The following TNN variants were observed in gnomAD, a reference collection of about 807,000 sequenced individuals.
The protein encoded by TNN is tenascin N, also known as tenascin-N.
In TNN, 122 loss-of-function variants were observed where a neutral mutation model predicts 134.4. The observed-to-expected ratio is 0.91, with a 90% CI of 0.78 to 1.06. TNN has a LOEUF of 1.06. Ranked by LOEUF, TNN falls within the 50% of genes least tolerant of loss-of-function variation. The pLI is 0.00. For synonymous variants in TNN, 710 were observed against 670.3 expected, an observed-to-expected ratio of 1.06 and a Z score of -0.91; for missense variants, 1,739 against 1,699.4, an observed-to-expected ratio of 1.02 and a Z score of -0.41.
intron 17 of TNN, among the ~76,000 whole-genome samples, chr1:175,140,160 A>G (rs1055398331): frequency 6.6e-6 from 1 of 152,224 alleles, no homozygotes; most frequent in African/African-American, 2.4e-5. Flanking sequence ...TTGGTATAAT[A>G]CAGTACACAC....
rs1221211278 is a variant in TNN, at chr1:175,103,500, A to G, written c.2119+4905A>G. On this transcript the variant is annotated intron_variant, in intron 9 of 18. Coordinates refer to ENST00000239462, the MANE Select transcript of TNN (RefSeq NM_022093.2). ...AGGCAGATATGGGTTGAAGATCCAC[A>G]TAAGTAGAATATGCCTTGGCTGGGT... is the stretch of plus-strand genomic sequence containing the variant. Among the ~76,000 whole-genome samples the G allele has an allele frequency of 1.4e-5, 2 of 146,024 alleles. 1 individual carries two copies. The highest frequency in any genetic ancestry group is 3.0e-5 in the Non-Finnish European group (2 of 65,866).
At chr1:175,084,034 C>G in intron 5 of TNN, 99 bp downstream of exon 5, 1 of 1,246,198 alleles carries the variant, frequency 8.0e-7, no homozygotes, top group Non-Finnish European at 1.1e-6. Context: ...CAAGTGTGCA[C>G]AGACAGCCCA....
At chr1:175,110,420 A>G (rs1335392964) in intron 9 of TNN, among the ~76,000 whole-genome samples, 1 of 152,140 alleles carries the variant, frequency 6.6e-6, no homozygotes, top group Non-Finnish European at 1.5e-5. Context: ...GTGCTTTTGC[A>G]GTCTTACCCA....
chr1:175,098,219 T>A (rs903669192), intron 8 of TNN, 113 bp from the exon 9 acceptor site: 33 of 1,457,160 alleles, frequency 2.3e-5, no homozygotes, highest in Non-Finnish European at 6.6e-6. Flanking sequence ...AGGATGAGAA[T>A]GCCATTGCCT....
At chr1:175,084,024 C>A in intron 5 of TNN, 89 bp downstream of exon 5, 1 of 1,335,254 alleles carries the variant, frequency 7.5e-7, no homozygotes, top group Non-Finnish European at 1.0e-6. Context: ...CTGCACTGCT[C>A]AAGTGTGCAC....
rs545835973 is a variant in TNN at position 175,079,029 on chromosome 1, G to A, written c.410-304G>A. On this transcript the variant is annotated intron_variant, in intron 2 of 18. Coordinates refer to ENST00000239462, the MANE Select transcript of TNN (RefSeq NM_022093.2). ...ACCAGGTAGAGAGGAAGGAACCGGG[G>A]AATTCACACGGGAAGGGAAAGGAAA... Among the ~76,000 whole-genome samples the A allele has an allele frequency of 9.9e-5, 15 of 152,232 alleles. No homozygotes were observed. In the East Asian group the frequency reaches 2.5e-3, roughly 26 times the overall value.
chr1:175,080,035 G>T (rs889210090), intron 3 of TNN, 128 bp from the exon 4 acceptor site: 28 of 1,258,212 alleles, frequency 2.2e-5, no homozygotes, highest in Non-Finnish European at 3.1e-5. Flanking sequence ...ACTTCTAGGG[G>T]TCGGGAATGG....
chr1:175,119,698 T>G lies in TNN; in HGVS notation c.2650+874T>G, dbSNP rs754481790. Among the ~76,000 whole-genome samples, 266 of 146,386 alleles carry G rather than the reference T, an allele frequency of 1.8e-3. 1 individual carries two copies. Among genetic ancestry groups the G allele is most frequent in the Non-Finnish European group, 3.0e-3 (204 of 67,178 alleles). ...CGCCCAGGCTGGAGTGCAGTGGCGC[T>G]ATCTCGGCTCACTGCAAGCTCCGCC... On this transcript the variant is annotated intron_variant, in intron 11 of 18. Transcript: ENST00000239462.
In TNN at chr1:175,117,130, G is replaced by A. The variant is rs768039940; in HGVS notation, c.2311G>A (p.Val771Met). The A allele has an allele frequency of 2.5e-6, 4 of 1,614,180 alleles. No individual in the cohort carries two copies. The highest frequency in any genetic ancestry group is 1.1e-5 in the South Asian group (1 of 91,094). The change falls in exon 10 of 19, where the codon GTG becomes ATG. Residue 771 changes from valine (V) to methionine (M), a missense_variant. By Grantham distance (21) the Val-to-Met change is conservative. Coordinates refer to ENST00000239462, the MANE Select transcript of TNN (RefSeq NM_022093.2). ...TGTCCTGACGGGCCTGAGGCCGGGT[G>A]TGGAGTACACGGTGCACGTGTGGGC... The part of the protein sequence containing the change: ...STVLTGLRPG[V>M]EYTVHVWAQK...
At chr1:175,100,772 T>A (rs1558357487) in intron 9 of TNN, among the ~76,000 whole-genome samples, 1 of 152,230 alleles carries the variant, frequency 6.6e-6, no homozygotes, top group Non-Finnish European at 1.5e-5. Flanking sequence ...ATTTCTTGTA[T>A]TTATAATGTA....
At position 175,146,932 on chromosome 1, in the gene TNN, G is replaced by T; in HGVS notation, c.3761G>T (p.Gly1254Val). 6.6e-7 allele frequency: 1 copy of T among 1,517,632 alleles called. No individual in the cohort carries two copies. The highest frequency in any genetic ancestry group is 8.8e-7 in the Non-Finnish European group (1 of 1,131,416). 94.0% of individuals were successfully genotyped at this position (1,517,632 alleles called of 1,614,324 possible). A position where few individuals can be genotyped will look rare whatever the true frequency, so the allele number is the denominator to read the frequency against. ...TGGCTTTTTTTTTTTTTTTGGTAGG[G>T]GGTGAACTGGGAGCCTTGGAAAGGA... Reference protein sequence around the residue: ...GRYGETKHSEGVNWEPWKGHE... With the variant: ...GRYGETKHSEVVNWEPWKGHE... The change falls in exon 19 of 19, where the codon GGG becomes GTG. Residue 1254 changes from glycine to valine, a missense_variant and splice_region_variant. By Grantham distance (109) the Gly-to-Val change is moderately radical (BLOSUM62 -3). Coordinates refer to ENST00000239462, the MANE Select transcript of TNN (RefSeq NM_022093.2).
chr1:175,097,386 G>C (rs1458047185), intron 7 of TNN, 31 bp from the exon 8 acceptor site: 3 of 1,612,884 alleles, frequency 1.9e-6, no homozygotes, highest in Admixed American at 1.7e-5. Context: ...GGTGGTAAAG[G>C]CTACATTCTT....
rs146666035 is a variant in TNN, at chr1:175,098,471, G to C, written c.1995G>C (p.Pro665=). The C allele has an allele frequency of 2.5e-6, 4 of 1,614,200 alleles. No homozygotes were observed. Among genetic ancestry groups the C allele is most frequent in the South Asian group, 1.1e-5 (1 of 91,082 alleles). Residue 665 remains proline, a synonymous_variant, in exon 9 of 19, where the codon CCG becomes CCC. Coordinates refer to ENST00000239462, the MANE Select transcript of TNN (RefSeq NM_022093.2). ...TSAGGETREV[P]VGKEQSSTVL... ...CTGGTGGAGAGACCAGGGAGGTTCC[G>C]GTGGGGAAGGAGCAGAGCAGCACAG...
At chr1:175,072,006 G>A (rs1023870016) in intron 1 of TNN, among the ~76,000 whole-genome samples, 1 of 152,160 alleles carries the variant, frequency 6.6e-6, no homozygotes, top group African/African-American at 2.4e-5. Flanking sequence ...GGATACCTGG[G>A]CTAGAAACAC....
chr1:175,077,571 C>T lies in TNN; in HGVS notation c.153C>T (p.Pro51=). 6.2e-7 allele frequency: 1 copy of T among 1,614,194 alleles called. No individual in the cohort carries two copies. The highest frequency in any genetic ancestry group is 8.5e-7 in the Non-Finnish European group (1 of 1,180,046). The change falls in exon 2 of 19, where the codon CCC becomes CCT. Residue 51 remains proline (P), a synonymous_variant. Transcript: ENST00000239462. ...GCCACACCTACAAGATCGATGTGCC[C>T]AAGTCTGCCTTGGTTCAGGTTGACG... ...TVSHTYKIDV[P]KSALVQVDAD...
rs182451342 is a variant in TNN, at chr1:175,072,165, G to A, written c.-36+4230G>A. Reference sequence around the variant, plus strand: ...GGACCATCCATGCAGCCCATGGTCAGTCGTGTACTCCTCAAAGAGCCTTTC... The same window carrying A: ...GGACCATCCATGCAGCCCATGGTCAATCGTGTACTCCTCAAAGAGCCTTTC... On this transcript the variant is annotated intron_variant, in intron 1 of 18. Transcript: ENST00000239462. Among the ~76,000 whole-genome samples the A allele has an allele frequency of 3.1e-3, 473 of 152,344 alleles. 2 individuals carry two copies. The highest frequency in any genetic ancestry group is 0.01 in the Middle Eastern group (3 of 294).
At chr1:175,145,263 T>C (rs1003461012) in intron 18 of TNN, among the ~76,000 whole-genome samples, 2 of 152,046 alleles carry the variant, frequency 1.3e-5, no homozygotes, top group Non-Finnish European at 2.9e-5. Context: ...ACAAGAGCTA[T>C]TTCTTTAGGC....
At chr1:175,078,109 T>C (rs1674097229) in intron 2 of TNN, among the ~76,000 whole-genome samples, 1 of 152,200 alleles carries the variant, frequency 6.6e-6, no homozygotes, top group Non-Finnish European at 1.5e-5. Context: ...GGAGCCGTCA[T>C]ACCTGTGAAT....
At position 175,108,946 on chromosome 1, in the gene TNN, A is replaced by G. The variant is rs545541907; in HGVS notation, c.2120-7993A>G. ...GCTGAAGGGCTCCTCAAATGCTGCC[A>G]AAGTGGGAGCCCAGGCAGAGGAGGT... On this transcript the variant is annotated intron_variant, in intron 9 of 18. Transcript: ENST00000239462. Among the ~76,000 whole-genome samples the G allele has an allele frequency of 9.2e-3, 1,395 of 152,206 alleles. 15 individuals are homozygous for G. Among genetic ancestry groups the G allele is most frequent in the African/African-American group, 0.032 (1,311 of 41,538 alleles).
Sources: allele counts gnomAD v4.1 joint callset (sites outside exome capture counted in the v4.1 genomes callset), GRCh38; gene constraint gnomAD v4.1.1; transcripts MANE v1.5; gene names NCBI Gene and HGNC (gene_info 2026-07-23, HGNC 2026-07-21).